ECPAS: variants seen among roughly 807,000 people sequenced by gnomAD.
The protein encoded by ECPAS is proteasome adapter and scaffold protein ECM29.
In ECPAS, 70 loss-of-function variants were observed where a neutral mutation model predicts 255.1. That is an observed-to-expected ratio of 0.27 (90% CI 0.23 to 0.33). The LOEUF is 0.33. ECPAS is among the 10% of genes least tolerant of loss of function. The pLI is 1.00. For missense variants in ECPAS, 1,817 were observed against 2,206.4 expected (o/e 0.82, Z 3.54); for synonymous variants, 784 against 775.0 (o/e 1.01, Z -0.19).
intron 8 of ECPAS, 21 bp from the exon 9 acceptor site, chr9:111,430,649 GGTT>G (rs2131842718): frequency 6.6e-7 from 1 of 1,505,974 alleles, no homozygotes; most frequent in South Asian, 1.2e-5. Context: ...TTTCAACACA[GGTT>G]GTTAAAATTA....
chr9:111,433,999 A>G (rs1410923018), intron 7 of ECPAS, among the ~76,000 whole-genome samples: 1 of 152,232 alleles, frequency 6.6e-6, no homozygotes, highest in Non-Finnish European at 1.5e-5. Flanking sequence ...TTAGAACTTC[A>G]TGCAATGTGA....
intron 32 of ECPAS, among the ~76,000 whole-genome samples, chr9:111,385,865 T>A (rs1286118793): frequency 6.6e-6 from 1 of 152,206 alleles, no homozygotes; most frequent in East Asian, 1.9e-4. Context: ...ACATAAACTA[T>A]GACAATTTAG....
chr9:111,393,793 G>A, intron 26 of ECPAS, 59 bp from the exon 27 acceptor site: 2 of 1,164,782 alleles, frequency 1.7e-6, no homozygotes, highest in South Asian at 1.3e-5. Flanking sequence ...GAGAATAAGA[G>A]TCTTGCTCTC....
intron 7 of ECPAS, 150 bp from the exon 8 acceptor site, chr9:111,433,522 G>A (rs1045479289): frequency 1.6e-5 from 11 of 678,358 alleles, no homozygotes; most frequent in African/African-American, 1.8e-5. Context: ...ATGTGCCGGG[G>A]ACTGTACTAA....
intron 3 of ECPAS, among the ~76,000 whole-genome samples, chr9:111,444,897 T>C (rs1023834263): frequency 1.3e-5 from 2 of 151,514 alleles, no homozygotes; most frequent in African/African-American, 4.9e-5. Flanking sequence ...TTTTTCACCA[T>C]GTTGGCCAGG....
intron 2 of ECPAS, among the ~76,000 whole-genome samples, chr9:111,452,125 C>T (rs1038880067): frequency 6.6e-6 from 1 of 152,092 alleles, no homozygotes; most frequent in South Asian, 2.1e-4. Context: ...GACAAGGTAA[C>T]TTCTTCAACC....
At chr9:111,378,824 T>G in intron 35 of ECPAS, 94 bp from the exon 36 acceptor site, 3 of 1,198,320 alleles carry the variant, frequency 2.5e-6, no homozygotes, top group Non-Finnish European at 3.4e-6. Flanking sequence ...GTTCACTGCA[T>G]TAAAGCATAT....
intron 33 of ECPAS, 100 bp from the exon 34 acceptor site, chr9:111,384,669 G>C (rs1468914214): frequency 9.6e-7 from 1 of 1,038,940 alleles, no homozygotes; most frequent in East Asian, 2.5e-5. Context: ...ACAGAGATTT[G>C]GTGGAAAATC....
chr9:111,401,314 T>C (rs934333587), intron 24 of ECPAS, among the ~76,000 whole-genome samples: 1 of 152,000 alleles, frequency 6.6e-6, no homozygotes, highest in African/African-American at 2.4e-5. Context: ...GGGGGTGCCG[T>C]CACATATTGG....
chr9:111,384,646 T>A (rs2098145218), intron 33 of ECPAS, 77 bp from the exon 34 acceptor site: 1 of 1,287,490 alleles, frequency 7.8e-7, no homozygotes, highest in African/African-American at 1.5e-5. Context: ...GCAATTTAAT[T>A]GCCTCAGGCC....
In ECPAS at chr9:111,385,327, T is replaced by C. The variant is rs763099280; in HGVS notation, c.3633+10A>G. On this transcript the variant is annotated intron_variant, in intron 33 of 49. Transcript: ENST00000684092. ...TTGTATATATAAATGCTGATTTATT[T>C]CTATAATACCTTGATATCATCTTGT... 4.7e-6 allele frequency: 6 copies of C among 1,266,668 alleles called. No individual in the cohort carries two copies. The highest frequency in any genetic ancestry group is 4.8e-5 in the Admixed American group (2 of 41,528). The allele number at this position is 1,266,668 out of a possible 1,614,324, so 78.5% of individuals were successfully genotyped here. A position where few individuals can be genotyped will look rare whatever the true frequency, so the allele number is the denominator to read the frequency against.
At chr9:111,423,283 GAACA>G (rs758998444) in intron 12 of ECPAS, 35 bp from the exon 13 acceptor site, 1 of 1,456,864 alleles carries the variant, frequency 6.9e-7, no homozygotes, top group African/African-American at 1.4e-5. Context: ...AGAAAAGAAA[GAACA>G]AAAAACAGAC....
At chr9:111,418,252 G>A (rs1451087626) in intron 16 of ECPAS, among the ~76,000 whole-genome samples, 1 of 152,120 alleles carries the variant, frequency 6.6e-6, no homozygotes, top group Non-Finnish European at 1.5e-5. Context: ...TAAAAAACAA[G>A]ATAGGGTACT....
intron 24 of ECPAS, among the ~76,000 whole-genome samples, chr9:111,407,518 T>C (rs918886839): frequency 6.8e-6 from 1 of 146,866 alleles, no homozygotes; most frequent in East Asian, 2.0e-4. Context: ...TCTCTCCAAG[T>C]GGTTACAATG....
rs1012344564 is a variant in ECPAS at position 111,410,971 on chromosome 9, A to G, written c.2377+9T>C. On this transcript the variant is annotated intron_variant, in intron 22 of 49. Coordinates refer to ENST00000684092, the MANE Select transcript of ECPAS (RefSeq NM_001364929.1). ...GCAACACCCAAATCGACATAAAGAC[A>G]TTAATTACCTATTGTTTCTGTAGCA... 1 of 1,609,028 alleles carries G rather than the reference A, an allele frequency of 6.2e-7. No individual in the cohort carries two copies. The highest frequency in any genetic ancestry group is 8.5e-7 in the Non-Finnish European group (1 of 1,176,704).
At chr9:111,483,365 G>A (rs1781571373) in intron 1 of ECPAS, 1 of 221,394 alleles carries the variant, frequency 4.5e-6, no homozygotes, top group Non-Finnish European at 7.5e-6. Flanking sequence ...CGCCAGGCCC[G>A]GGCTCCCCAG....
intron 1 of ECPAS, among the ~76,000 whole-genome samples, chr9:111,481,942 G>A (rs1410659061): frequency 2.0e-5 from 3 of 152,202 alleles, no homozygotes; most frequent in Admixed American, 1.3e-4. Flanking sequence ...GGGCCGAAGG[G>A]AGGAGGGAAT....
At chr9:111,477,376 T>C (rs2098297679) in intron 1 of ECPAS, among the ~76,000 whole-genome samples, 1 of 152,042 alleles carries the variant, frequency 6.6e-6, no homozygotes, top group Admixed American at 6.6e-5. Context: ...CCTCCCAGAG[T>C]GCTGGGATTA....
At chr9:111,391,896 T>C in intron 28 of ECPAS, 72 bp from the exon 29 acceptor site, 1 of 997,426 alleles carries the variant, frequency 1.0e-6, no homozygotes, top group Non-Finnish European at 1.5e-6. Flanking sequence ...ATACGATTCA[T>C]TTACAAAGTG....
Sources: gnomAD v4.1 joint callset for allele counts (sites outside exome capture counted in the v4.1 genomes callset) on GRCh38, gnomAD v4.1.1 for gene constraint, MANE v1.5 for transcripts, NCBI Gene and HGNC (gene_info 2026-07-23, HGNC 2026-07-21) for gene names.